Variants in ZNF717 observed in about 807,000 individuals in gnomAD.
The protein encoded by ZNF717 is zinc finger protein 717, also known as krueppel-like factor X17.
Under a neutral mutation model 13.8 loss-of-function variants are expected in ZNF717, and 9 were observed. The ratio of observed to expected loss-of-function variants is 0.65; its 90% CI spans 0.39 to 1.14. The LOEUF is 1.14. Among genes scored for constraint, ZNF717 ranks in the 50% most tolerant of loss-of-function variants. The pLI, the probability that ZNF717 is intolerant of heterozygous loss-of-function variation, is 0.01. For synonymous variants in ZNF717, 327 were observed against 364.1 expected, an observed-to-expected ratio of 0.90 and a Z score of 1.16; for missense variants, 1,040 against 1,080.7, an observed-to-expected ratio of 0.96 and a Z score of 0.53.
chr3:75,783,581 T>G (rs1021899007), intron 1 of ZNF717, among the ~76,000 whole-genome samples: 5 of 152,234 alleles, frequency 3.3e-5, no homozygotes, highest in African/African-American at 1.2e-4. Context: ...TGGTAGACAT[T>G]AGATGCACAA....
intron 2 of ZNF717, among the ~76,000 whole-genome samples, chr3:75,750,581 C>T (rs990889327): frequency 1.3e-5 from 2 of 150,472 alleles, no homozygotes; most frequent in Non-Finnish European, 3.0e-5. Context: ...AACACTGCTA[C>T]GAGAGTCCAA....
intron 2 of ZNF717, among the ~76,000 whole-genome samples, chr3:75,752,529 GC>G: frequency 6.8e-6 from 1 of 146,806 alleles, no homozygotes; most frequent in Admixed American, 6.8e-5. Flanking sequence ...CCAGAACACT[GC>G]TACGAGGGTC....
At chr3:75,723,248 C>CTTTTTTT (rs112455865) in intron 4 of ZNF717, among the ~76,000 whole-genome samples, 2,840 of 88,528 alleles carry the variant, frequency 0.032, 350 homozygotes, top group Admixed American at 0.063. Flanking sequence ...GACAATCTCA[C>CTTTTTTT]TTTTTTTTTT....
chr3:75,783,288 A>T lies in ZNF717; in HGVS notation c.57+18T>A. ...AAATACAGTGTAAAACAAAGTGAAG[A>T]ACAAATAAACAACTCACCAGAGATT... On this transcript the variant is annotated intron_variant, in intron 2 of 4. Coordinates refer to ENST00000652011, the MANE Select transcript of ZNF717 (RefSeq NM_001290208.3). 1 of 1,542,474 alleles carries T rather than the reference A, an allele frequency of 6.5e-7. No individual in the cohort carries two copies. The highest frequency in any genetic ancestry group is 8.8e-7 in the Non-Finnish European group (1 of 1,138,670).
downstream of ZNF717, among the ~76,000 whole-genome samples, chr3:75,727,309 A>G (rs1428677711): frequency 2.0e-5 from 3 of 152,364 alleles, no homozygotes; most frequent in South Asian, 4.1e-4. Context: ...GCACCCTGAA[A>G]AAGAACAGAA....
chr3:75,756,751 C>T (rs1409046624), intron 2 of ZNF717, among the ~76,000 whole-genome samples: 8 of 150,452 alleles, frequency 5.3e-5, no homozygotes, highest in African/African-American at 1.7e-4. Flanking sequence ...CTCGGCTCAT[C>T]GCAACCTCTG....
At chr3:75,756,817 G>C (rs1942530060) in intron 2 of ZNF717, among the ~76,000 whole-genome samples, 1 of 152,136 alleles carries the variant, frequency 6.6e-6, no homozygotes. Flanking sequence ...TGGGATTACG[G>C]GCATGCGCCA....
At chr3:75,732,648 T>C (rs1480522688), downstream of ZNF717, among the ~76,000 whole-genome samples, 2 of 152,228 alleles carry the variant, frequency 1.3e-5, no homozygotes, top group Non-Finnish European at 2.9e-5. Flanking sequence ...TCCTGGAACC[T>C]TGACCTTGGA....
At chr3:75,744,509 G>A (rs375676895) in intron 2 of ZNF717, among the ~76,000 whole-genome samples, 2 of 152,228 alleles carry the variant, frequency 1.3e-5, no homozygotes, top group Non-Finnish European at 2.9e-5. Context: ...GGACTTAATA[G>A]CTTACAGGAA....
intron 2 of ZNF717, among the ~76,000 whole-genome samples, chr3:75,771,515 C>G (rs918445866): frequency 6.6e-6 from 1 of 152,318 alleles, no homozygotes; most frequent in African/African-American, 2.4e-5. Context: ...GCCTCCGGAG[C>G]GATAGTGTGG....
chr3:75,749,782 G>A lies in ZNF717; in HGVS notation c.58-8046C>T, dbSNP rs78292902. Reference sequence around the variant, plus strand: ...ACAATGCTGCTGGAGTCTGAATGTTGATACCTCACATAAGACTCCAGAACA... The same window carrying A: ...ACAATGCTGCTGGAGTCTGAATGTTAATACCTCACATAAGACTCCAGAACA... On this transcript the variant is annotated intron_variant, in intron 2 of 4. Coordinates refer to ENST00000652011, the MANE Select transcript of ZNF717 (RefSeq NM_001290208.3). 2.1e-5 allele frequency among the ~76,000 whole-genome samples: 3 copies of A among 145,624 alleles called. No homozygotes were observed. The South Asian group carries it at 6.6e-4, about 32-fold the overall frequency.
chr3:75,739,309 T>C lies in ZNF717; in HGVS notation c.314A>G (p.His105Arg). 2 of 1,497,450 alleles carry C rather than the reference T, an allele frequency of 1.3e-6. No individual in the cohort carries two copies. Among genetic ancestry groups the C allele is most frequent in the Non-Finnish European group, 1.8e-6 (2 of 1,124,044 alleles). The allele number at this position is 1,497,450 out of a possible 1,614,324, so 92.8% of individuals were successfully genotyped here. ...CCAGAAAAATCTATCATGACTTTCA[T>C]GGCTCCTTTCAATAAGGTCATCAAT... Reference protein sequence around the residue: ...QIIDDLIERSHESHDRFFWQI... With the variant: ...QIIDDLIERSRESHDRFFWQI... The change falls in exon 5 of 5, where the codon CAT becomes CGT. Residue 105 changes from histidine (H) to arginine (R), a missense_variant. By Grantham distance (29) the His-to-Arg change is conservative (BLOSUM62 0). Transcript: ENST00000652011.
intron 2 of ZNF717, among the ~76,000 whole-genome samples, chr3:75,752,298 C>T (rs372642806): frequency 0.071 from 5,494 of 77,800 alleles, 161 homozygotes; most frequent in South Asian, 0.14. Flanking sequence ...AACACGGCTA[C>T]GAGGGTCTGA....
downstream of ZNF717, among the ~76,000 whole-genome samples, chr3:75,735,084 C>CA (rs1938997037): frequency 6.6e-6 from 1 of 152,176 alleles, no homozygotes; most frequent in Non-Finnish European, 1.5e-5. Context: ...CTCAGCCTCC[C>CA]AAAGTGTTGG....
rs543720084 is a variant in ZNF717 at position 75,782,091 on chromosome 3, G to A, written c.57+1215C>T. 2.4e-4 allele frequency among the ~76,000 whole-genome samples: 36 copies of A among 152,238 alleles called. 1 individual carries two copies. The South Asian group carries it at 5.6e-3, about 24-fold the overall frequency. On this transcript the variant is annotated intron_variant, in intron 2 of 4. Transcript: ENST00000652011. ...TCCTGAACTCGTCTCAAAGTGTGGCGTTTCTCTCTAACTCGCTCGGATACG... is the reference window on the plus strand; with the variant it reads ...TCCTGAACTCGTCTCAAAGTGTGGCATTTCTCTCTAACTCGCTCGGATACG...
At chr3:75,697,716 A>T (rs1348135998) in intron 6 of ZNF717, among the ~76,000 whole-genome samples, 1 of 152,296 alleles carries the variant, frequency 6.6e-6, no homozygotes, top group Non-Finnish European at 1.5e-5. Context: ...TTAATACATA[A>T]AATTGGCACC....
At chr3:75,746,724 G>A (rs1224564242) in intron 2 of ZNF717, among the ~76,000 whole-genome samples, 1 of 151,936 alleles carries the variant, frequency 6.6e-6, no homozygotes, top group African/African-American at 2.4e-5. Flanking sequence ...CTTGTTGATG[G>A]GTTTTTTCTT....
chr3:75,782,895 G>A (rs1355928335), intron 2 of ZNF717, among the ~76,000 whole-genome samples: 5 of 151,976 alleles, frequency 3.3e-5, no homozygotes, highest in South Asian at 2.1e-4. Flanking sequence ...GAAGATGACC[G>A]TTTCCACTGC....
At chr3:75,772,230 C>T (rs1365010987) in intron 2 of ZNF717, among the ~76,000 whole-genome samples, 2 of 152,380 alleles carry the variant, frequency 1.3e-5, no homozygotes, top group East Asian at 3.9e-4. Context: ...CTGAGCTGTA[C>T]TGTTGCTCAA....
Sources: allele counts gnomAD v4.1 joint callset (sites outside exome capture counted in the v4.1 genomes callset), GRCh38; gene constraint gnomAD v4.1.1; transcripts MANE v1.5; gene names NCBI Gene and HGNC (gene_info 2026-07-23, HGNC 2026-07-21).